Variants in EXD1 observed in about 807,000 individuals in gnomAD.
The protein encoded by EXD1 is piRNA biogenesis protein EXD1.
EXD1 carries 63 observed loss-of-function variants against 49.1 expected under a neutral mutation model. The ratio of observed to expected loss-of-function variants is 1.28; its 90% CI spans 1.05 to 1.58. EXD1 has a LOEUF of 1.58. Among genes scored for constraint, EXD1 ranks in the 40% most tolerant of loss-of-function variants. The pLI, the probability that EXD1 is intolerant of heterozygous loss-of-function variation, is 0.00. For missense variants in EXD1, 748 were observed against 666.0 expected, an observed-to-expected ratio of 1.12 and a Z score of -1.36; for synonymous variants, 234 against 239.2, an observed-to-expected ratio of 0.98 and a Z score of 0.20.
chr15:41,213,526 G>A (rs1379638156), intron 6 of EXD1, among the ~76,000 whole-genome samples: 1 of 139,892 alleles, frequency 7.1e-6, no homozygotes, highest in East Asian at 2.2e-4. Flanking sequence ...GTTTTGTTTT[G>A]TTGTTTTTTG....
chr15:41,184,659 T>A, intron 11 of EXD1, 66 bp from the exon 12 acceptor site: 1 of 792,974 alleles, frequency 1.3e-6, no homozygotes, highest in South Asian at 3.0e-5. Flanking sequence ...TTAAAATCAC[T>A]TTTTTTTTTT....
chr15:41,184,307 G>C lies in EXD1; in HGVS notation c.1343C>G (p.Thr448Arg), dbSNP rs1207180235. 1 of 1,614,050 alleles carries C rather than the reference G, an allele frequency of 6.2e-7. No homozygotes were observed. The highest frequency in any genetic ancestry group is 1.3e-5 in the African/African-American group (1 of 74,914). The change falls in exon 12 of 12, where the codon ACA becomes AGA. Residue 448 changes from threonine (T) to arginine (R), a missense_variant. By Grantham distance (71) the Thr-to-Arg change is moderately conservative. Coordinates refer to ENST00000458580, the MANE Select transcript of EXD1 (RefSeq NM_001286441.2). ...LKEESLNKQA[T>R]NPQHLPPTEE... is the part of the protein sequence containing the mutation. Reference sequence around the variant, plus strand: ...TGTGGGAGGTAGATGTTGAGGATTTGTAGCTTGTTTATTCAAAGATTCTTC... The same window carrying C: ...TGTGGGAGGTAGATGTTGAGGATTTCTAGCTTGTTTATTCAAAGATTCTTC...
chr15:41,220,216 T>G lies in EXD1; in HGVS notation c.134-318A>C, dbSNP rs549408889. Reference sequence around the variant, plus strand: ...GGTTAAGAACTATCTATTAATTATATTTCTATTTATTTTTACTCCACTTAA... The same window carrying G: ...GGTTAAGAACTATCTATTAATTATAGTTCTATTTATTTTTACTCCACTTAA... On this transcript the variant is annotated intron_variant, in intron 2 of 11. Coordinates refer to ENST00000458580, the MANE Select transcript of EXD1 (RefSeq NM_001286441.2). 2.0e-5 allele frequency among the ~76,000 whole-genome samples: 3 copies of G among 152,132 alleles called. No individual in the cohort carries two copies. The South Asian group carries it at 6.2e-4, about 32-fold the overall frequency.
intron 7 of EXD1, among the ~76,000 whole-genome samples, chr15:41,207,428 C>T (rs1367135138): frequency 1.3e-5 from 2 of 151,828 alleles, no homozygotes; most frequent in Non-Finnish European, 2.9e-5. Flanking sequence ...ATCTCGGCTA[C>T]TCGGGAGAGG....
intron 2 of EXD1, 61 bp downstream of exon 2, chr15:41,226,382 C>G: frequency 2.0e-6 from 3 of 1,466,736 alleles, no homozygotes; most frequent in Non-Finnish European, 2.8e-6. Flanking sequence ...CTAATGGAGC[C>G]CACTGAAAGT....
rs1395533073 is a variant in EXD1, at chr15:41,184,261, C to A, written c.1389G>T (p.Glu463Asp). ...TGCAAATGAGTTTGTTACTGGAATC[C>A]TCACTGGTTTCCCCTTCCTCTGTGG... ...LPPTEEGETS[E>D]DSSNKLICTK... Residue 463 changes from glutamate to aspartate, a missense_variant, in exon 12 of 12, where the codon GAG (glutamate) becomes GAT (aspartate). Glu to Asp is a conservative substitution (Grantham distance 45). Coordinates refer to ENST00000458580, the MANE Select transcript of EXD1 (RefSeq NM_001286441.2). 1.2e-6 allele frequency: 2 copies of A among 1,614,052 alleles called. No homozygotes were observed. The highest frequency in any genetic ancestry group is 1.7e-6 in the Non-Finnish European group (2 of 1,180,038).
At chr15:41,197,151 C>T (rs1351304488) in intron 7 of EXD1, among the ~76,000 whole-genome samples, 1 of 151,722 alleles carries the variant, frequency 6.6e-6, no homozygotes. Flanking sequence ...ATGATAGGTA[C>T]TTGATTCTTA....
intron 11 of EXD1, among the ~76,000 whole-genome samples, chr15:41,188,338 C>T (rs375375509): frequency 5.3e-5 from 8 of 151,220 alleles, no homozygotes; most frequent in African/African-American, 1.2e-4. Flanking sequence ...CCTCTTCCCC[C>T]TCCCCTTGTC....
intron 11 of EXD1, among the ~76,000 whole-genome samples, chr15:41,185,343 T>TTTGTC (rs2046391703): frequency 6.6e-6 from 1 of 152,048 alleles, no homozygotes; most frequent in African/African-American, 2.4e-5. Context: ...AGTTTTTTGT[T>TTTGTC]TTGTTTTGTT....
rs907179027 is a variant in EXD1 at position 41,183,532 on chromosome 15, T to G, written c.*399A>C. 6.3e-6 allele frequency: 1 copy of G among 157,890 alleles called. No homozygotes were observed. The highest frequency in any genetic ancestry group is 1.4e-5 in the Non-Finnish European group (1 of 72,186). 9.8% of individuals were successfully genotyped at this position (157,890 alleles called of 1,614,324 possible). On this transcript the variant is annotated 3_prime_UTR_variant, in exon 12 of 12. Coordinates refer to ENST00000458580, the MANE Select transcript of EXD1 (RefSeq NM_001286441.2). ...GTAAAGTTATCAGGTACCAATTTTT[T>G]AAATGAATTGTTAATAGTTTTACCA... is the stretch of plus-strand genomic sequence containing the variant.
At chr15:41,226,653 T>C in intron 1 of EXD1, 25 bp from the exon 2 acceptor site, 1 of 1,460,426 alleles carries the variant, frequency 6.8e-7, no homozygotes, top group Non-Finnish European at 9.0e-7. Flanking sequence ...AAGAGATCTA[T>C]GAATTTTAAA....
At chr15:41,199,033 G>A (rs187489413) in intron 7 of EXD1, among the ~76,000 whole-genome samples, 1 of 150,664 alleles carries the variant, frequency 6.6e-6, no homozygotes, top group East Asian at 2.0e-4. Context: ...GCATGATCTC[G>A]GCTCACTGCA....
At chr15:41,203,195 G>A (rs2140860630) in intron 7 of EXD1, among the ~76,000 whole-genome samples, 1 of 152,202 alleles carries the variant, frequency 6.6e-6, no homozygotes, top group Admixed American at 6.5e-5. Context: ...GAAAAGTGAG[G>A]AGCTGGAAAC....
intron 3 of EXD1, among the ~76,000 whole-genome samples, chr15:41,217,927 G>C (rs2047026052): frequency 6.6e-6 from 1 of 152,146 alleles, no homozygotes; most frequent in South Asian, 2.1e-4. Context: ...GCAGAGAAAA[G>C]GTAAAATTGA....
In EXD1 at chr15:41,226,436, A is replaced by T; in HGVS notation, c.133+7T>A. The T allele has an allele frequency of 6.5e-7, 1 of 1,535,960 alleles. No homozygotes were observed. Among genetic ancestry groups the T allele is most frequent in the Non-Finnish European group, 8.7e-7 (1 of 1,146,770 alleles). On this transcript the variant is annotated splice_region_variant and intron_variant, in intron 2 of 11. Coordinates refer to ENST00000458580, the MANE Select transcript of EXD1 (RefSeq NM_001286441.2). ...AAGGCAGAACATTATAAGAAATAGA[A>T]CAAGACCTTTCTTCAGGACAACAAT...
chr15:41,220,475 G>C (rs2047071536), intron 2 of EXD1, among the ~76,000 whole-genome samples: 1 of 152,062 alleles, frequency 6.6e-6, no homozygotes, highest in African/African-American at 2.4e-5. Context: ...AGCCAGGATT[G>C]GCTCGATCTC....
intron 2 of EXD1, among the ~76,000 whole-genome samples, chr15:41,224,130 G>T (rs936030243): frequency 3.3e-5 from 5 of 152,196 alleles, no homozygotes; most frequent in African/African-American, 1.2e-4. Flanking sequence ...GTAGAGACAG[G>T]GTTTACCATG....
In EXD1 at chr15:41,183,711, A is replaced by T; in HGVS notation, c.*220T>A. On this transcript the variant is annotated 3_prime_UTR_variant, in exon 12 of 12. Coordinates refer to ENST00000458580, the MANE Select transcript of EXD1 (RefSeq NM_001286441.2). ...CACTCTGGTCACTGAGAACATTTCT[A>T]CACAGTGACATAATCAGAAATTATA... The T allele has an allele frequency of 2.1e-6, 1 of 466,068 alleles. No homozygotes were observed. The highest frequency in any genetic ancestry group is 3.7e-6 in the Non-Finnish European group (1 of 269,064). 28.9% of individuals were successfully genotyped at this position (466,068 alleles called of 1,614,324 possible).
intron 9 of EXD1, among the ~76,000 whole-genome samples, chr15:41,193,178 A>G (rs1442476341): frequency 6.6e-6 from 1 of 151,718 alleles, no homozygotes. Flanking sequence ...TCGGCCTCCC[A>G]AAGTGTTGGG....
Sources: gnomAD v4.1 joint callset for allele counts (sites outside exome capture counted in the v4.1 genomes callset) on GRCh38, gnomAD v4.1.1 for gene constraint, MANE v1.5 for transcripts, NCBI Gene and HGNC (gene_info 2026-07-23, HGNC 2026-07-21) for gene names.